Variants in PHF20L1 observed in about 807,000 individuals in gnomAD.
The protein encoded by PHF20L1 is PHD finger protein 20-like protein 1.
PHF20L1 carries 44 observed loss-of-function variants against 125.5 expected under a neutral mutation model. The ratio of observed to expected loss-of-function variants is 0.35; its 90% CI spans 0.28 to 0.45. PHF20L1 has a LOEUF of 0.45. PHF20L1 is among the 20% of genes least tolerant of loss of function. PHF20L1 has a pLI of 1.00. For missense variants in PHF20L1, 1,012 were observed against 1,217.2 expected (o/e 0.83, Z 2.51); for synonymous variants, 380 against 403.1 (o/e 0.94, Z 0.69).
At chr8:132,811,297 C>G in intron 9 of PHF20L1, 169 bp downstream of exon 9, 1 of 1,373,226 alleles carries the variant, frequency 7.3e-7, no homozygotes, top group Non-Finnish European at 9.4e-7. Flanking sequence ...CAGATAACTA[C>G]AGACTTCATT....
At chr8:132,829,577 G>T (rs1015728734) in intron 14 of PHF20L1, among the ~76,000 whole-genome samples, 1 of 152,050 alleles carries the variant, frequency 6.6e-6, no homozygotes, top group Non-Finnish European at 1.5e-5. Flanking sequence ...CCCAAAGACT[G>T]CTGTAATCTG....
At position 132,797,268 on chromosome 8, in the gene PHF20L1, C is replaced by T. The variant is rs571469333; in HGVS notation, c.341-1504C>T. Among the ~76,000 whole-genome samples, 41 of 152,090 alleles carry T rather than the reference C, an allele frequency of 2.7e-4. No individual in the cohort carries two copies. The South Asian group carries it at 6.4e-3, about 24-fold the overall frequency. On this transcript the variant is annotated intron_variant, in intron 4 of 20. Coordinates refer to ENST00000395386, the MANE Select transcript of PHF20L1 (RefSeq NM_016018.5). ...AATCAGAAGGGCAAAAGAAGCCATC[C>T]GTTCAGTGTAAGAGCAAAACAAAAT... is the stretch of plus-strand genomic sequence containing the variant.
At chr8:132,820,553 G>A (rs1205148434) in intron 12 of PHF20L1, among the ~76,000 whole-genome samples, 1 of 151,926 alleles carries the variant, frequency 6.6e-6, no homozygotes, top group Non-Finnish European at 1.5e-5. Flanking sequence ...AGGAACAAAA[G>A]ATTGCCCCAA....
At chr8:132,777,998 T>TTCTGCTACC in intron 2 of PHF20L1, 87 bp downstream of exon 2, 2 of 808,404 alleles carry the variant, frequency 2.5e-6, no homozygotes, top group Non-Finnish European at 4.2e-6. Context: ...CCACTGATGG[T>TTCTGCTACC]AGCAGAAACA....
At chr8:132,843,448 T>G (rs1266976360) in intron 19 of PHF20L1, 1 of 978,900 alleles carries the variant, frequency 1.0e-6, no homozygotes, top group Non-Finnish European at 1.2e-6. Context: ...AAATTAGATG[T>G]TTTTTTTCTG....
intron 2 of PHF20L1, among the ~76,000 whole-genome samples, chr8:132,778,493 C>G (rs1375414072): frequency 6.6e-6 from 1 of 152,194 alleles, no homozygotes; most frequent in Admixed American, 6.5e-5. Context: ...AATAGGCTGT[C>G]CTTTCAGAAC....
intron 6 of PHF20L1, chr8:132,799,517 G>C (rs1240253465): frequency 5.9e-6 from 1 of 170,678 alleles, no homozygotes; most frequent in African/African-American, 2.4e-5. Context: ...AAAGAAAGGT[G>C]CCATTAGAAA....
chr8:132,813,780 A>T (rs1246975815), intron 9 of PHF20L1, among the ~76,000 whole-genome samples: 1 of 152,022 alleles, frequency 6.6e-6, no homozygotes, highest in Non-Finnish European at 1.5e-5. Flanking sequence ...TGAAAAATGG[A>T]CACATTCACA....
In PHF20L1 at chr8:132,790,917, CA is replaced by C. The variant is rs201481086; in HGVS notation, c.84-3492del. ...ATATACAGTTTTTGTATACACTTAC[CA>C]GTTTTACTATGTATGAAATAATCAC... On this transcript the variant is annotated intron_variant, in intron 2 of 20. Coordinates refer to ENST00000395386, the MANE Select transcript of PHF20L1 (RefSeq NM_016018.5). 8.3e-3 allele frequency among the ~76,000 whole-genome samples: 1,266 copies of C among 152,236 alleles called. 19 individuals are homozygous for C. The highest frequency in any genetic ancestry group is 0.029 in the African/African-American group (1,193 of 41,534).
At chr8:132,829,473 A>G (rs1836536962) in intron 14 of PHF20L1, among the ~76,000 whole-genome samples, 1 of 152,104 alleles carries the variant, frequency 6.6e-6, no homozygotes, top group African/African-American at 2.4e-5. Flanking sequence ...CTGGCATTTA[A>G]TAAATGTCCT....
At chr8:132,818,547 A>G (rs1484786365) in intron 12 of PHF20L1, 1 of 151,936 alleles carries the variant, frequency 6.6e-6, no homozygotes, top group Non-Finnish European at 1.5e-5. Flanking sequence ...TTATCTTTAT[A>G]TAAAGGTTGA....
chr8:132,828,715 A>G (rs1413609213), intron 14 of PHF20L1, among the ~76,000 whole-genome samples: 2 of 152,072 alleles, frequency 1.3e-5, no homozygotes, highest in Non-Finnish European at 2.9e-5. Flanking sequence ...GGGATTTAAG[A>G]GTGTCATCTT....
Position 132,794,441 on chromosome 8 carries a change from G to A in PHF20L1, c.115G>A (p.Glu39Lys), listed in dbSNP as rs1832153188. 6.2e-7 allele frequency: 1 copy of A among 1,610,280 alleles called. No homozygotes were observed. ...YPSRIEKIDY[E>K]EGKMLVHFER... ...ATCACGAATTGAAAAAATTGACTAT[G>A]AGGAGGGCAAGATGTTGGTCCATTT... Residue 39 changes from glutamate to lysine, a missense_variant, in exon 3 of 21, where the codon GAG (glutamate) becomes AAG (lysine). Glu to Lys is a moderately conservative substitution (Grantham distance 56). Coordinates refer to ENST00000395386, the MANE Select transcript of PHF20L1 (RefSeq NM_016018.5).
chr8:132,790,472 A>C (rs1274416872), intron 2 of PHF20L1, among the ~76,000 whole-genome samples: 1 of 152,220 alleles, frequency 6.6e-6, no homozygotes, highest in Non-Finnish European at 1.5e-5. Context: ...TTTTCTGTAG[A>C]ATAAAGGATT....
At chr8:132,833,164 G>A (rs1355671358) in intron 15 of PHF20L1, among the ~76,000 whole-genome samples, 1 of 152,046 alleles carries the variant, frequency 6.6e-6, no homozygotes, top group East Asian at 1.9e-4. Context: ...ATAAGGGACG[G>A]GGCCTTCAGC....
chr8:132,803,181 T>G (rs1257267402), intron 6 of PHF20L1, among the ~76,000 whole-genome samples: 1 of 151,802 alleles, frequency 6.6e-6, no homozygotes, highest in African/African-American at 2.4e-5. Flanking sequence ...AATGTGGAGT[T>G]TTGACAGTTA....
At chr8:132,828,289 T>C (rs1836408968) in intron 14 of PHF20L1, among the ~76,000 whole-genome samples, 1 of 151,968 alleles carries the variant, frequency 6.6e-6, no homozygotes, top group Non-Finnish European at 1.5e-5. Context: ...ATTAACCCTT[T>C]ACAATAGGAT....
At chr8:132,811,989 T>C (rs531806700) in intron 9 of PHF20L1, 27 of 980,506 alleles carry the variant, frequency 2.8e-5, no homozygotes, top group East Asian at 1.1e-4. Context: ...TGATATTGTA[T>C]TGAGTTTTTC....
At position 132,842,888 on chromosome 8, in the gene PHF20L1, C is replaced by A. The variant is rs1231473672; in HGVS notation, c.2748+13C>A. 1.3e-6 allele frequency: 2 copies of A among 1,575,840 alleles called. No homozygotes were observed. The highest frequency in any genetic ancestry group is 2.4e-5 in the South Asian group (2 of 84,442). ...AATGCCTGAAAAGGTAAAACTAGTT[C>A]ATTTTTCTTTGCTTGGAAACTATGA... On this transcript the variant is annotated intron_variant, in intron 19 of 20. Coordinates refer to ENST00000395386, the MANE Select transcript of PHF20L1 (RefSeq NM_016018.5).
Sources: gnomAD v4.1 joint callset for allele counts (sites outside exome capture counted in the v4.1 genomes callset) on GRCh38, gnomAD v4.1.1 for gene constraint, MANE v1.5 for transcripts, NCBI Gene and HGNC (gene_info 2026-07-23, HGNC 2026-07-21) for gene names.